ATP5PO: variants seen among roughly 807,000 people sequenced by gnomAD.
ATP5PO encodes ATP synthase peripheral stalk subunit OSCP.
In ATP5PO, 14 loss-of-function variants were observed where a neutral mutation model predicts 26.2. The ratio of observed to expected loss-of-function variants is 0.53; its 90% CI spans 0.35 to 0.83. ATP5PO has a LOEUF of 0.83. ATP5PO is among the 40% of genes least tolerant of loss of function. The probability of loss-of-function intolerance (pLI) is 0.01; values close to 1 mark genes in which losing one functional copy is unlikely to be tolerated. For missense variants in ATP5PO, 241 were observed against 258.5 expected, an observed-to-expected ratio of 0.93 and a Z score of 0.46; for synonymous variants, 106 against 95.1, an observed-to-expected ratio of 1.12 and a Z score of -0.67.
chr21:33,915,545 C>T, intron 1 of ATP5PO, 183 bp downstream of exon 1: 4 of 895,464 alleles, frequency 4.5e-6, no homozygotes, highest in Non-Finnish European at 6.6e-6. Context: ...CGCCTACTGC[C>T]CCGTAGGCAT....
chr21:33,908,789 T>G, intron 4 of ATP5PO: 1 of 280,664 alleles, frequency 3.6e-6, no homozygotes, highest in Non-Finnish European at 6.7e-6. Context: ...CCACGAACCA[T>G]TTTCTTGGTA....
intron 4 of ATP5PO, among the ~76,000 whole-genome samples, chr21:33,908,002 C>A (rs951111940): frequency 5.3e-5 from 8 of 151,048 alleles, no homozygotes; most frequent in Non-Finnish European, 1.0e-4. Context: ...AAAAAAAAAA[C>A]TAAAAAATTA....
In ATP5PO at chr21:33,909,246, T is replaced by C. The variant is rs188909568; in HGVS notation, c.199-35A>G. The C allele has an allele frequency of 4.2e-4, 675 of 1,600,500 alleles. 5 individuals are homozygous for C. The African/African-American group carries it at 7.8e-3, about 18-fold the overall frequency. The stretch of plus-strand genomic sequence containing the variant: ...TCAAAAAATAATTTCTTAAATTTTT[T>C]AGAGCACAAATGAAGGATGTGCCAT... On this transcript the variant is annotated intron_variant, in intron 3 of 6. Transcript: ENST00000290299.
At position 33,907,009 on chromosome 21, in the gene ATP5PO, T is replaced by C. The variant is rs1024246813; in HGVS notation, c.441+332A>G. ...GTCTCAAAAAAATAAACTCTAGAAT[T>C]CTAGTTTCAGGAAACTACTTCAAGT... On this transcript the variant is annotated intron_variant, in intron 5 of 6. Coordinates refer to ENST00000290299, the MANE Select transcript of ATP5PO (RefSeq NM_001697.3). 2.6e-5 allele frequency: 9 copies of C among 348,358 alleles called. No homozygotes were observed. The Admixed American group carries it at 3.3e-4, about 13-fold the overall frequency. 21.6% of individuals were successfully genotyped at this position (348,358 alleles called of 1,614,324 possible). A position where few individuals can be genotyped will look rare whatever the true frequency, so the allele number is the denominator to read the frequency against.
intron 1 of ATP5PO, 177 bp from the exon 2 acceptor site, chr21:33,914,677 A>G: frequency 1.8e-6 from 1 of 547,358 alleles, no homozygotes; most frequent in Non-Finnish European, 3.2e-6. Flanking sequence ...AACTTACCCA[A>G]TGAGGATTAT....
chr21:33,906,181 A>G (rs973456906), intron 5 of ATP5PO, among the ~76,000 whole-genome samples: 3 of 152,184 alleles, frequency 2.0e-5, no homozygotes, highest in African/African-American at 4.8e-5. Context: ...CTCTCCTTGA[A>G]TCTGTGCTAA....
At chr21:33,914,078 C>G (rs1003920665) in intron 2 of ATP5PO, among the ~76,000 whole-genome samples, 26 of 151,948 alleles carry the variant, frequency 1.7e-4, no homozygotes, top group Admixed American at 1.4e-3. Flanking sequence ...GCGCCCAGCC[C>G]GGTACCTTGA....
chr21:33,903,714 C>T, intron 6 of ATP5PO, 75 bp from the exon 7 acceptor site: 1 of 1,490,574 alleles, frequency 6.7e-7, no homozygotes, highest in Non-Finnish European at 9.3e-7. Context: ...TTTTGAAAGG[C>T]TAAATGTGTT....
At chr21:33,911,572 A>AAT (rs1987247140) in intron 3 of ATP5PO, among the ~76,000 whole-genome samples, 1 of 152,194 alleles carries the variant, frequency 6.6e-6, no homozygotes, top group Non-Finnish European at 1.5e-5. Flanking sequence ...AGAATATGGC[A>AAT]ATTAAAACCT....
intron 1 of ATP5PO, 86 bp from the exon 2 acceptor site, chr21:33,914,586 T>G: frequency 2.4e-6 from 3 of 1,237,392 alleles, no homozygotes; most frequent in Non-Finnish European, 3.5e-6. Context: ...AAATTTTAAA[T>G]AACCTTAAAA....
rs182975028 is a variant in ATP5PO, at chr21:33,903,635, T to C, written c.533A>G (p.Asp178Gly). 14 of 1,614,028 alleles carry C rather than the reference T, an allele frequency of 8.7e-6. No individual in the cohort carries two copies. The Admixed American group carries it at 1.5e-4, about 17-fold the overall frequency. The change falls in exon 7 of 7, where the codon GAT becomes GGT. Residue 178 changes from aspartate (D) to glycine (G), a missense_variant. Around this residue, in one of 3 missense-constraint regions of ATP5PO, gnomAD observed 77 missense variants for 74.5 expected, o/e 1.03. Coordinates refer to ENST00000290299, the MANE Select transcript of ATP5PO (RefSeq NM_001697.3). ...GQVLKLEAKT[D>G]PSILGGMIVR... is the part of the protein sequence containing the mutation. ...AATCATTCCACCCAAGATTGACGGA[T>C]CAGTCTACAAAAGAAGTAAGACTGG...
At chr21:33,911,381 C>T (rs1363314320) in intron 3 of ATP5PO, among the ~76,000 whole-genome samples, 2 of 152,174 alleles carry the variant, frequency 1.3e-5, no homozygotes, top group Admixed American at 6.5e-5. Context: ...CTCTGCTGCC[C>T]AGCGCGCCCC....
Position 33,905,918 on chromosome 21 carries a change from GAAAAAAA to G in ATP5PO, c.441+1416_441+1422del, listed in dbSNP as rs59334506. On this transcript the variant is annotated intron_variant, in intron 5 of 6. Transcript: ENST00000290299. ...CAGAGTGAGACTCAGTCTCAAAAAA[GAAAAAAA>G]AAAAAAAAAAAAAGAAAATCATGTC... Among the ~76,000 whole-genome samples, 13 of 98,460 alleles carry G rather than the reference GAAAAAAA, an allele frequency of 1.3e-4. 1 individual carries two copies. In the South Asian group the frequency reaches 4.2e-3, roughly 32 times the overall value. 64.6% of individuals were successfully genotyped at this position (98,460 alleles called of 152,430 possible). A position where few individuals can be genotyped will look rare whatever the true frequency, so the allele number is the denominator to read the frequency against.
chr21:33,914,324 G>T (rs1602776177), intron 2 of ATP5PO, 126 bp downstream of exon 2: 5 of 863,834 alleles, frequency 5.8e-6, no homozygotes, highest in Middle Eastern at 2.2e-4. Context: ...AGCACATTTT[G>T]GGAACCACAA....
intron 5 of ATP5PO, chr21:33,906,650 T>C: frequency 2.2e-6 from 1 of 456,192 alleles, no homozygotes; most frequent in Non-Finnish European, 4.4e-6. Context: ...GCCCAACGGC[T>C]CTACTCCTTC....
intron 2 of ATP5PO, 48 bp downstream of exon 2, chr21:33,914,402 C>T (rs1340637052): frequency 1.3e-6 from 2 of 1,573,150 alleles, no homozygotes. Flanking sequence ...CTGTTTGACT[C>T]ACACTTTCGC....
rs764364966 is a variant in ATP5PO, at chr21:33,909,229, T to A, written c.199-18A>T. On this transcript the variant is annotated intron_variant, in intron 3 of 6. Coordinates refer to ENST00000290299, the MANE Select transcript of ATP5PO (RefSeq NM_001697.3). The stretch of plus-strand genomic sequence containing the variant: ...AGGATTTGCTGAAAGCATCAAAAAA[T>A]AATTTCTTAAATTTTTTAGAGCACA... 1.2e-6 allele frequency: 2 copies of A among 1,604,068 alleles called. No homozygotes were observed. Among genetic ancestry groups the A allele is most frequent in the East Asian group, 4.5e-5 (2 of 44,816 alleles).
chr21:33,915,588 G>A (rs773012569), intron 1 of ATP5PO, 140 bp downstream of exon 1: 2 of 1,294,654 alleles, frequency 1.5e-6, no homozygotes, highest in Non-Finnish European at 2.1e-6. Flanking sequence ...GTCCTGAGTC[G>A]CTCCCACTCG....
intron 5 of ATP5PO, among the ~76,000 whole-genome samples, chr21:33,906,129 C>A (rs1436779901): frequency 1.3e-5 from 2 of 152,102 alleles, no homozygotes; most frequent in Admixed American, 6.6e-5. Flanking sequence ...GCACCAACTA[C>A]TGAACTACAA....
Sources: allele counts gnomAD v4.1 joint callset (sites outside exome capture counted in the v4.1 genomes callset), GRCh38; gene constraint gnomAD v4.1.1; regional missense constraint gnomAD v4.1.1; transcripts MANE v1.5; gene names NCBI Gene and HGNC (gene_info 2026-07-23, HGNC 2026-07-21).